The following SPAST variants were observed in gnomAD, a reference collection of about 807,000 sequenced individuals.
The protein encoded by SPAST is spastic paraplegia 4 (autosomal dominant; spastin).
SPAST carries 30 observed loss-of-function variants against 76.6 expected under a neutral mutation model. The ratio of observed to expected loss-of-function variants is 0.39; its 90% confidence interval spans 0.29 to 0.53. The LOEUF is 0.53. Among genes scored for constraint, SPAST ranks in the 20% least tolerant of loss-of-function variants. The pLI is 0.68. For missense variants in SPAST, 717 were observed against 770.5 expected (o/e 0.93, Z 0.82); for synonymous variants, 305 against 281.0 (o/e 1.09, Z -0.86).
chr2:32,067,924 A>G (rs929756176), intron 1 of SPAST, among the ~76,000 whole-genome samples: 2 of 150,656 alleles, frequency 1.3e-5, no homozygotes, highest in African/African-American at 4.9e-5. Flanking sequence ...TACTCTTCCT[A>G]CTGATAATGT....
intron 1 of SPAST, among the ~76,000 whole-genome samples, chr2:32,082,279 C>T (rs1292089509): frequency 6.6e-6 from 1 of 151,632 alleles, no homozygotes; most frequent in African/African-American, 2.4e-5. Context: ...AGCCATGAGC[C>T]ACCGCACCTG....
intron 16 of SPAST, 86 bp downstream of exon 16, chr2:32,147,344 G>GTGTGTGTGT: frequency 3.8e-6 from 1 of 266,512 alleles, no homozygotes. Flanking sequence ...GTGTGTGTGT[G>GTGTGTGTGT]GTTTTTTTTT....
intron 7 of SPAST, among the ~76,000 whole-genome samples, chr2:32,120,953 A>T (rs1456514431): frequency 2.0e-5 from 3 of 152,184 alleles, no homozygotes; most frequent in African/African-American, 7.2e-5. Context: ...TGAAGGCATT[A>T]TCTATTGTCT....
intron 3 of SPAST, among the ~76,000 whole-genome samples, chr2:32,097,271 T>C (rs1677951468): frequency 6.6e-6 from 1 of 152,138 alleles, no homozygotes; most frequent in African/African-American, 2.4e-5. Flanking sequence ...TTTGTTGTTA[T>C]TTGATGTGGG....
At position 32,143,392 on chromosome 2, in the gene SPAST, A is replaced by G. The variant is rs754291673; in HGVS notation, c.1593A>G (p.Gln531=). 74 of 1,609,066 alleles carry G rather than the reference A, an allele frequency of 4.6e-5. 2 individuals are homozygous for G. The Admixed American group carries it at 1.2e-3, about 25-fold the overall frequency. Residue 531 remains glutamine (Q), a synonymous_variant, in exon 14 of 17, where the codon CAA becomes CAG. Transcript: ENST00000315285. ...GTAAACAAGGAAGTCCATTGACCCAAAAAGAACTAGCACAACTTGCTAGGT... is the reference window on the plus strand; with the variant it reads ...GTAAACAAGGAAGTCCATTGACCCAGAAAGAACTAGCACAACTTGCTAGGT... The part of the protein sequence containing the change: ...LLCKQGSPLT[Q]KELAQLARMT...
At chr2:32,151,254 T>A (rs1680076377) in intron 16 of SPAST, among the ~76,000 whole-genome samples, 1 of 152,224 alleles carries the variant, frequency 6.6e-6, no homozygotes, top group Admixed American at 6.5e-5. Flanking sequence ...TACTATATAC[T>A]TTCATTCAGT....
intron 7 of SPAST, among the ~76,000 whole-genome samples, chr2:32,124,157 C>T (rs1261816686): frequency 6.6e-6 from 1 of 152,120 alleles, no homozygotes; most frequent in Non-Finnish European, 1.5e-5. Flanking sequence ...ATACAAAGAA[C>T]TTTTAAAACT....
chr2:32,095,960 A>G (rs1287242121), intron 3 of SPAST, among the ~76,000 whole-genome samples: 1 of 152,174 alleles, frequency 6.6e-6, no homozygotes, highest in Non-Finnish European at 1.5e-5. Context: ...ATGGGAAGCC[A>G]CTAAAGGGTT....
At chr2:32,097,724 C>T (rs1677973462) in intron 3 of SPAST, among the ~76,000 whole-genome samples, 2 of 136,292 alleles carry the variant, frequency 1.5e-5, no homozygotes, top group South Asian at 2.3e-4. Context: ...GACAGAGTCT[C>T]GCTCTGTCAC....
In SPAST at chr2:32,110,780, C is replaced by G. The variant is rs189216851; in HGVS notation, c.683-3858C>G. Among the ~76,000 whole-genome samples the G allele has an allele frequency of 1.3e-3, 167 of 130,986 alleles. 2 individuals are homozygous for G. The highest frequency in any genetic ancestry group is 3.6e-3 in the African/African-American group (119 of 32,618). The allele number at this position is 130,986 out of a possible 152,430, so 85.9% of individuals were successfully genotyped here. On this transcript the variant is annotated intron_variant, in intron 4 of 16. Transcript: ENST00000315285. Reference sequence around the variant, plus strand: ...TAGTATATATAGTATACATAGTATACTATATATAGTATAGTATACATAGTA... The same window carrying G: ...TAGTATATATAGTATACATAGTATAGTATATATAGTATAGTATACATAGTA...
chr2:32,113,436 G>A (rs949588515), intron 4 of SPAST, among the ~76,000 whole-genome samples: 17 of 151,108 alleles, frequency 1.1e-4, no homozygotes, highest in African/African-American at 4.1e-4. Flanking sequence ...CTTTCATAGT[G>A]TTTATAGTTA....
chr2:32,091,819 G>A lies in SPAST; in HGVS notation c.586+2214G>A, dbSNP rs969143413. ...ACTGCACTCCAGGCTGGGCAAAAGA[G>A]CGAGACTCTGTCTCAAAAAAATAAA... On this transcript the variant is annotated intron_variant, in intron 3 of 16. Coordinates refer to ENST00000315285, the MANE Select transcript of SPAST (RefSeq NM_014946.4). Among the ~76,000 whole-genome samples the A allele has an allele frequency of 2.6e-5, 4 of 151,624 alleles. No individual in the cohort carries two copies. In the East Asian group the frequency reaches 7.9e-4, roughly 30 times the overall value.
rs1573088228 is a variant in SPAST, at chr2:32,098,902, G to T, written c.682+11G>T. On this transcript the variant is annotated intron_variant, in intron 4 of 16. Coordinates refer to ENST00000315285, the MANE Select transcript of SPAST (RefSeq NM_014946.4). The stretch of plus-strand genomic sequence containing the variant: ...GACATCTCCAGTCAGGTGGGTTTAG[G>T]TTAACTAACATAAAATAATAAAGCT... The T allele has an allele frequency of 2.4e-5, 38 of 1,553,072 alleles. No individual in the cohort carries two copies. The East Asian group carries it at 8.5e-4, about 35-fold the overall frequency.
intron 1 of SPAST, among the ~76,000 whole-genome samples, chr2:32,069,774 C>T (rs974771243): frequency 6.6e-5 from 10 of 151,898 alleles, no homozygotes; most frequent in African/African-American, 2.4e-4. Flanking sequence ...TTAGCCAGTA[C>T]GGTCTCGATC....
At chr2:32,145,109 G>A (rs1454023348) in intron 15 of SPAST, 102 bp downstream of exon 15, 1 of 817,258 alleles carries the variant, frequency 1.2e-6, no homozygotes, top group Non-Finnish European at 2.0e-6. Context: ...TTTTTCTTTT[G>A]GAGACAGGGT....
chr2:32,134,390 TACTC>T (rs1679467211), intron 9 of SPAST, among the ~76,000 whole-genome samples: 1 of 151,858 alleles, frequency 6.6e-6, no homozygotes, highest in Non-Finnish European at 1.5e-5. Context: ...TAATCCCACT[TACTC>T]AGGAGGCTGA....
chr2:32,108,542 G>T (rs1276046870), intron 4 of SPAST, among the ~76,000 whole-genome samples: 1 of 151,716 alleles, frequency 6.6e-6, no homozygotes, highest in Non-Finnish European at 1.5e-5. Flanking sequence ...TTGAGATAGG[G>T]TCTGACTCTT....
At chr2:32,088,743 C>G (rs1329361589) in intron 2 of SPAST, among the ~76,000 whole-genome samples, 2 of 152,152 alleles carry the variant, frequency 1.3e-5, no homozygotes, top group African/African-American at 4.8e-5. Context: ...ATGATATATG[C>G]TCTTTTCATC....
At chr2:32,125,524 GT>G (rs924852362) in intron 7 of SPAST, among the ~76,000 whole-genome samples, 15 of 146,908 alleles carry the variant, frequency 1.0e-4, no homozygotes, top group African/African-American at 2.2e-4. Context: ...CGCCCAGCAG[GT>G]TTTTTTTTTT....
Sources: allele counts gnomAD v4.1 joint callset (sites outside exome capture counted in the v4.1 genomes callset), GRCh38; gene constraint gnomAD v4.1.1; transcripts MANE v1.5; gene names NCBI Gene and HGNC (gene_info 2026-07-23, HGNC 2026-07-21).